The following TRIM36 variants were observed in gnomAD, a reference collection of about 807,000 sequenced individuals.
TRIM36 encodes the protein E3 ubiquitin-protein ligase TRIM36.
A neutral mutation model predicts 72.4 loss-of-function variants in TRIM36; 42 were observed. The ratio of observed to expected loss-of-function variants is 0.58; its 90% confidence interval spans 0.45 to 0.75. The LOEUF (loss-of-function observed/expected upper bound fraction) is 0.75. TRIM36 is among the 30% of genes least tolerant of loss of function. The pLI, the probability that TRIM36 is intolerant of heterozygous loss-of-function variation, is 0.00. For synonymous variants in TRIM36, 315 were observed against 282.8 expected, an observed-to-expected ratio of 1.11 and a Z score of -1.14; for missense variants, 913 against 857.1, an observed-to-expected ratio of 1.07 and a Z score of -0.81.
In TRIM36 at chr5:115,138,885, G is replaced by A. The variant is rs533242760; in HGVS notation, c.832-1269C>T. Among the ~76,000 whole-genome samples, 362 of 152,180 alleles carry A rather than the reference G, an allele frequency of 2.4e-3. 1 individual carries two copies. The highest frequency in any genetic ancestry group is 8.1e-3 in the African/African-American group (336 of 41,514). On this transcript the variant is annotated intron_variant, in intron 5 of 9. Transcript: ENST00000513154. The stretch of plus-strand genomic sequence containing the variant: ...GGCTGTAGTGCAGTGGCGCGATCTC[G>A]GCTCACTGCAAGCTCCGCCTCCAAG...
chr5:115,169,866 T>C lies in TRIM36; in HGVS notation c.-232A>G, dbSNP rs1561449628. Reference sequence around the variant, plus strand: ...TTGCTCCCAGCGACTACCCCGGGAATCCCGCCCAGCTGCCGGCTGCAGCAG... The same window carrying C: ...TTGCTCCCAGCGACTACCCCGGGAACCCCGCCCAGCTGCCGGCTGCAGCAG... On this transcript the variant is annotated 5_prime_UTR_variant, in exon 1 of 10. Coordinates refer to ENST00000513154, the MANE Select transcript of TRIM36 (RefSeq NM_001300759.2). 4 of 1,303,536 alleles carry C rather than the reference T, an allele frequency of 3.1e-6. No homozygotes were observed. The East Asian group carries it at 9.3e-5, about 30-fold the overall frequency. The allele number at this position is 1,303,536 out of a possible 1,614,324, so 80.7% of individuals were successfully genotyped here. A position where few individuals can be genotyped will look rare whatever the true frequency, so the allele number is the denominator to read the frequency against.
At chr5:115,164,663 C>T (rs1340447353) in intron 1 of TRIM36, among the ~76,000 whole-genome samples, 9 of 152,176 alleles carry the variant, frequency 5.9e-5, no homozygotes, top group Admixed American at 5.9e-4. Flanking sequence ...CTTGGGATTA[C>T]AATTCAAGAT....
At chr5:115,155,775 T>C (rs1359445412) in intron 2 of TRIM36, among the ~76,000 whole-genome samples, 1 of 152,242 alleles carries the variant, frequency 6.6e-6, no homozygotes, top group East Asian at 1.9e-4. Context: ...TGCCCACTCT[T>C]ACCACCCTTC....
intron 9 of TRIM36, among the ~76,000 whole-genome samples, chr5:115,128,744 G>T (rs565354364): frequency 1.7e-5 from 1 of 57,968 alleles, no homozygotes; most frequent in East Asian, 3.4e-4. Context: ...GGGCGACAGA[G>T]CGAGACTCCG....
chr5:115,173,685 A>C (rs1266949231), upstream of TRIM36, among the ~76,000 whole-genome samples: 1 of 152,186 alleles, frequency 6.6e-6, no homozygotes, highest in African/African-American at 2.4e-5. Flanking sequence ...GAATGGCATG[A>C]AATATCTGAA....
intron 2 of TRIM36, among the ~76,000 whole-genome samples, chr5:115,162,614 TTTTA>T (rs1177538429): frequency 1.3e-5 from 2 of 152,180 alleles, no homozygotes; most frequent in African/African-American, 4.8e-5. Context: ...ATAACTAAAA[TTTTA>T]TTTGTTTTTG....
rs1753645471 is a variant in TRIM36, at chr5:115,147,307, A to G, written c.350T>C (p.Ile117Thr). The change falls in exon 3 of 10, where the codon ATC becomes ACC. Residue 117 changes from isoleucine (I) to threonine (T), a missense_variant. By Grantham distance (89) the Ile-to-Thr change is moderately conservative. Coordinates refer to ENST00000513154, the MANE Select transcript of TRIM36 (RefSeq NM_001300759.2). ...EHDVDLGERG[I>T]NGLFRNFTLE... ...AGTGAAGTTTCGAAACAGACCATTG[A>G]TTCCTCGTTCTCCAAGATCCACATC... 3 of 1,614,090 alleles carry G rather than the reference A, an allele frequency of 1.9e-6. No individual in the cohort carries two copies. The African/African-American group carries it at 4.0e-5, about 22-fold the overall frequency.
chr5:115,154,274 A>G (rs1268291477), intron 2 of TRIM36, among the ~76,000 whole-genome samples: 1 of 152,084 alleles, frequency 6.6e-6, no homozygotes, highest in African/African-American at 2.4e-5. Flanking sequence ...ACCCCTCTAG[A>G]AACCAGAAAA....
intron 2 of TRIM36, 116 bp from the exon 3 acceptor site, chr5:115,147,510 G>A (rs939525801): frequency 2.3e-5 from 28 of 1,221,996 alleles, no homozygotes; most frequent in African/African-American, 1.1e-4. Context: ...AACAGTATCC[G>A]AAGTGGCTCC....
At chr5:115,162,012 G>A (rs578251806) in intron 2 of TRIM36, among the ~76,000 whole-genome samples, 6 of 152,174 alleles carry the variant, frequency 3.9e-5, no homozygotes, top group South Asian at 2.1e-4. Context: ...GTGTGTGTGC[G>A]CGTGTGTCTT....
chr5:115,160,506 T>TA (rs1229439421), intron 2 of TRIM36, among the ~76,000 whole-genome samples: 7 of 152,170 alleles, frequency 4.6e-5, no homozygotes, highest in African/African-American at 1.7e-4. Context: ...GCTACCATAC[T>TA]GGACAATCCG....
intron 2 of TRIM36, among the ~76,000 whole-genome samples, chr5:115,156,454 G>T (rs1345182284): frequency 1.3e-5 from 2 of 152,230 alleles, no homozygotes; most frequent in African/African-American, 4.8e-5. Flanking sequence ...GTATGGTACT[G>T]GTATAAAAAT....
At position 115,130,891 on chromosome 5, in the gene TRIM36, T is replaced by A. The variant is rs776914465; in HGVS notation, c.1499-2A>T. 1 of 1,601,056 alleles carries A rather than the reference T, an allele frequency of 6.2e-7. No homozygotes were observed. Among genetic ancestry groups the A allele is most frequent in the Non-Finnish European group, 8.5e-7 (1 of 1,172,612 alleles). On this transcript the variant is annotated splice_acceptor_variant, in intron 8 of 9. Coordinates refer to ENST00000513154, the MANE Select transcript of TRIM36 (RefSeq NM_001300759.2). LOFTEE classifies it high-confidence loss of function. ...TTTCATCAAAGAGGAAGCTGAAAAC[T>A]AAATGGAGCTTAAAATTAATATCAG... is the stretch of plus-strand genomic sequence containing the variant.
At chr5:115,168,122 G>A (rs1754892294) in intron 1 of TRIM36, among the ~76,000 whole-genome samples, 2 of 152,134 alleles carry the variant, frequency 1.3e-5, no homozygotes, top group African/African-American at 4.8e-5. Flanking sequence ...CTCAACACCT[G>A]GGGATTACAA....
chr5:115,179,481 T>C (rs1434842913), intron 1 of TRIM36, among the ~76,000 whole-genome samples: 1 of 152,228 alleles, frequency 6.6e-6, no homozygotes, highest in Admixed American at 6.5e-5. Flanking sequence ...GAACGTGCTG[T>C]CCCTATTTAC....
chr5:115,139,530 T>C (rs75787301), intron 5 of TRIM36, among the ~76,000 whole-genome samples: 4,180 of 152,308 alleles, frequency 0.027, 177 homozygotes, highest in African/African-American at 0.095. Context: ...ATCTCCTGTT[T>C]CCTAACCCCG....
chr5:115,171,037 T>C (rs767215426), upstream of TRIM36: 30 of 1,608,830 alleles, frequency 1.9e-5, no homozygotes, highest in Non-Finnish European at 2.5e-5. Context: ...TGTATTAGGC[T>C]TTAAGAACAG....
chr5:115,131,419 G>T (rs1476979375), intron 8 of TRIM36, among the ~76,000 whole-genome samples: 1 of 151,992 alleles, frequency 6.6e-6, no homozygotes, highest in African/African-American at 2.4e-5. Context: ...GAGAGACCTG[G>T]GTTTGAATCC....
chr5:115,137,122 A>G lies in TRIM36; in HGVS notation c.1088T>C (p.Ile363Thr). The change falls in exon 7 of 10, where the codon ATA (isoleucine) becomes ACA (threonine). Residue 363 changes from isoleucine to threonine, a missense_variant and splice_region_variant. By Grantham distance (89) the Ile-to-Thr change is moderately conservative. Transcript: ENST00000513154. The part of the protein sequence containing the change: ...VQTAKQLHLR[I>T]QKATESLKSF... The stretch of plus-strand genomic sequence containing the variant: ...CTTCAAAGATTCTGTGGCTTTCTGT[A>G]TTCTGCAGACAGATATTTTATATAA... 1.3e-6 allele frequency: 2 copies of G among 1,585,690 alleles called. No homozygotes were observed. The highest frequency in any genetic ancestry group is 1.7e-6 in the Non-Finnish European group (2 of 1,171,520).
Sources: allele counts gnomAD v4.1 joint callset (sites outside exome capture counted in the v4.1 genomes callset), GRCh38; gene constraint gnomAD v4.1.1; transcripts MANE v1.5; gene names NCBI Gene and HGNC (gene_info 2026-07-23, HGNC 2026-07-21).